Variants in FAM53A observed in about 807,000 individuals in gnomAD.
FAM53A encodes family with sequence similarity 53 member A.
Under a neutral mutation model 26.6 loss-of-function variants are expected in FAM53A, and 28 were observed. The ratio of observed to expected loss-of-function variants is 1.05; its 90% CI spans 0.78 to 1.45. The LOEUF (loss-of-function observed/expected upper bound fraction) is 1.45. Ranked by LOEUF, FAM53A falls within the 40% of genes most tolerant of loss-of-function variation. FAM53A has a pLI of 0.00. For missense variants in FAM53A, 650 were observed against 575.8 expected (o/e 1.13, Z -1.32); for synonymous variants, 290 against 253.1 (o/e 1.15, Z -1.38).
At chr4:1,650,807 T>TTTTG (rs1712712456) in intron 4 of FAM53A, among the ~76,000 whole-genome samples, 1 of 151,694 alleles carries the variant, frequency 6.6e-6, no homozygotes, top group South Asian at 2.1e-4. Context: ...GTTTTGTTTT[T>TTTTG]TTTTTAACAC....
At chr4:1,680,177 G>C (rs968808281) in intron 1 of FAM53A, among the ~76,000 whole-genome samples, 6 of 151,558 alleles carry the variant, frequency 4.0e-5, no homozygotes, top group South Asian at 2.1e-4. Flanking sequence ...AAATTAGCCG[G>C]GCATGGTGGC....
chr4:1,627,409 T>C (rs1178020594), intron 1 of FAM53A, among the ~76,000 whole-genome samples: 2 of 152,214 alleles, frequency 1.3e-5, no homozygotes, highest in South Asian at 2.1e-4. Context: ...GGAATGTTTA[T>C]GGACCACAGT....
chr4:1,655,251 G>C lies in FAM53A; in HGVS notation c.609C>G (p.Gly203=). 6.8e-7 allele frequency: 1 copy of C among 1,468,550 alleles called. No individual in the cohort carries two copies. Among genetic ancestry groups the C allele is most frequent in the Non-Finnish European group, 8.9e-7 (1 of 1,119,418 alleles). 91.0% of individuals were successfully genotyped at this position (1,468,550 alleles called of 1,614,324 possible). A position where few individuals can be genotyped will look rare whatever the true frequency, so the allele number is the denominator to read the frequency against. ...CCGCGGAACACCAGAGCGGGCCTGA[G>C]CCCGCACTGCCCTCGCTGCTGTCCA... is the stretch of plus-strand genomic sequence containing the variant. ...GFVDSSEGSA[G]SGPLWCSAES... Residue 203 remains glycine, a synonymous_variant, in exon 4 of 5, where the codon GGC becomes GGG. Coordinates refer to ENST00000308132, the MANE Select transcript of FAM53A (RefSeq NM_001174070.3).
chr4:1,597,673 A>G, the FAM53A span, among the ~76,000 whole-genome samples: 2 of 152,168 alleles, frequency 1.3e-5, no homozygotes, highest in East Asian at 3.9e-4. Context: ...TGCAGGGAGC[A>G]CCTGGGTGGT....
chr4:1,617,159 A>G (rs1199620060), downstream of FAM53A, among the ~76,000 whole-genome samples: 2 of 144,880 alleles, frequency 1.4e-5, no homozygotes, highest in Non-Finnish European at 2.9e-5. Context: ...TTTCATTTAT[A>G]TTTACAAATC....
chr4:1,646,137 G>A (rs1712220765), intron 4 of FAM53A, among the ~76,000 whole-genome samples: 1 of 150,930 alleles, frequency 6.6e-6, no homozygotes, highest in Non-Finnish European at 1.5e-5. Flanking sequence ...GTCTTGCTCT[G>A]TCGCCCAGGT....
At chr4:1,682,600 A>T (rs1160176758) in intron 1 of FAM53A, among the ~76,000 whole-genome samples, 2 of 152,012 alleles carry the variant, frequency 1.3e-5, no homozygotes, top group African/African-American at 4.8e-5. Context: ...CCTGTTCCCA[A>T]TGCACCGGTG....
chr4:1,665,616 T>C (rs932890597), intron 2 of FAM53A, among the ~76,000 whole-genome samples: 4 of 152,058 alleles, frequency 2.6e-5, no homozygotes, highest in Admixed American at 2.6e-4. Context: ...GGAAAAACCA[T>C]CTTCGACAGC....
intron 1 of FAM53A, among the ~76,000 whole-genome samples, chr4:1,670,642 A>G (rs908753068): frequency 6.6e-6 from 1 of 152,074 alleles, no homozygotes. Context: ...TGTCATCTCC[A>G]GCCCACAGCC....
chr4:1,651,465 G>A (rs955269399), intron 4 of FAM53A, among the ~76,000 whole-genome samples: 2 of 151,956 alleles, frequency 1.3e-5, no homozygotes, highest in Non-Finnish European at 2.9e-5. Context: ...CCGGGAAGTG[G>A]AGGTTGCAGT....
At chr4:1,683,542 T>C (rs914480170) in intron 1 of FAM53A, 4 of 152,258 alleles carry the variant, frequency 2.6e-5, no homozygotes, top group African/African-American at 7.2e-5. Context: ...GAGCACATTC[T>C]TGAAGCCAAA....
intron 1 of FAM53A, among the ~76,000 whole-genome samples, chr4:1,631,992 GTC>G (rs1715628831): frequency 6.6e-6 from 1 of 151,898 alleles, no homozygotes; most frequent in African/African-American, 2.4e-5. Context: ...ATGAAACCCC[GTC>G]TCTAGTACAA....
intron 4 of FAM53A, among the ~76,000 whole-genome samples, chr4:1,653,202 A>G (rs2108890568): frequency 6.6e-6 from 1 of 151,908 alleles, no homozygotes; most frequent in South Asian, 2.1e-4. Flanking sequence ...CATCTCCCCA[A>G]CACACCACAC....
intron 4 of FAM53A, among the ~76,000 whole-genome samples, chr4:1,648,297 C>T (rs952189826): frequency 1.3e-5 from 2 of 152,096 alleles, no homozygotes; most frequent in African/African-American, 4.8e-5. Context: ...TCAGGTGATG[C>T]GGTGCAGGCA....
rs1441655032 is a variant in FAM53A, at chr4:1,630,854, TG to T, written c.432-12744del. ...GGCGGTGTCTGCACCATCTCACGAA[TG>T]TACTAAATGCCAGTTAACTGAACAC... On this transcript the variant is annotated intron_variant, in intron 1 of 1. Coordinates refer to the FAM53A transcript ENST00000489029. This position sits in a 1 kb window ranked among gnomAD's most constrained non-coding sequence, Gnocchi z 4.3. Among the ~76,000 whole-genome samples the T allele has an allele frequency of 6.6e-6, 1 of 152,088 alleles. No individual in the cohort carries two copies. The highest frequency in any genetic ancestry group is 1.5e-5 in the Non-Finnish European group (1 of 68,012).
chr4:1,644,993 C>T (rs1005919264), intron 4 of FAM53A: 1 of 152,364 alleles, frequency 6.6e-6, no homozygotes, highest in African/African-American at 2.4e-5. Context: ...TGAGAAAGCG[C>T]AAGCTCCATC....
At chr4:1,639,591 G>A (rs1205649544), downstream of FAM53A, among the ~76,000 whole-genome samples, 1 of 152,174 alleles carries the variant, frequency 6.6e-6, no homozygotes, top group Non-Finnish European at 1.5e-5. Flanking sequence ...CCCAACGGAG[G>A]AGGGCAGAGC....
chr4:1,622,610 G>A (rs910201539), intron 1 of FAM53A, among the ~76,000 whole-genome samples: 2 of 152,238 alleles, frequency 1.3e-5, no homozygotes, highest in Admixed American at 6.5e-5. Flanking sequence ...AGGGTCTCCA[G>A]CCCTGCATGC....
chr4:1,643,473 T>C (rs1711944127), intron 4 of FAM53A, among the ~76,000 whole-genome samples: 1 of 151,272 alleles, frequency 6.6e-6, no homozygotes. Flanking sequence ...CTCAAAAAAA[T>C]AAATAAATAG....
Sources: gnomAD v4.1 joint callset for allele counts (sites outside exome capture counted in the v4.1 genomes callset) on GRCh38, gnomAD v4.1.1 for gene constraint, Gnocchi (gnomAD v3.1) non-coding constraint, MANE v1.5 for transcripts, NCBI Gene and HGNC (gene_info 2026-07-23, HGNC 2026-07-21) for gene names.